Variants in CDK5RAP2 observed in about 807,000 individuals in gnomAD.
The protein encoded by CDK5RAP2 is CDK5 regulatory subunit associated protein 2.
A neutral mutation model predicts 232.9 loss-of-function variants in CDK5RAP2; 147 were observed. The observed-to-expected ratio is 0.63, with a 90% CI of 0.55 to 0.72. CDK5RAP2 has a LOEUF of 0.72. CDK5RAP2 is among the 30% of genes least tolerant of loss of function. The probability of loss-of-function intolerance (pLI) is 0.00; values close to 1 mark genes in which losing one functional copy is unlikely to be tolerated. For synonymous variants in CDK5RAP2, 833 were observed against 833.7 expected (o/e 1.00, Z 0.01); for missense variants, 2,195 against 2,231.5 (o/e 0.98, Z 0.33).
At chr9:120,570,442 G>A (rs1206709607) in intron 2 of CDK5RAP2, among the ~76,000 whole-genome samples, 1 of 152,184 alleles carries the variant, frequency 6.6e-6, no homozygotes, top group Admixed American at 6.5e-5. Context: ...ATTCTCATAA[G>A]GGTTTGTCTG....
chr9:120,564,270 A>G (rs2042564882), intron 3 of CDK5RAP2, among the ~76,000 whole-genome samples: 1 of 152,150 alleles, frequency 6.6e-6, no homozygotes, highest in Admixed American at 6.5e-5. Context: ...GATCAAGACC[A>G]TCCTGGCTAA....
At chr9:120,496,611 C>T (rs1305033003) in intron 12 of CDK5RAP2, among the ~76,000 whole-genome samples, 6 of 147,856 alleles carry the variant, frequency 4.1e-5, no homozygotes, top group Non-Finnish European at 6.0e-5. Flanking sequence ...AGGTGAGGGG[C>T]GCCTCTGCCC....
chr9:120,463,911 A>G (rs1479720554), intron 18 of CDK5RAP2, among the ~76,000 whole-genome samples: 2 of 152,202 alleles, frequency 1.3e-5, no homozygotes, highest in African/African-American at 4.8e-5. Context: ...AGATGTCAGA[A>G]AGAACTGAGT....
chr9:120,484,717 C>T (rs1367926646), intron 14 of CDK5RAP2, among the ~76,000 whole-genome samples: 1 of 151,914 alleles, frequency 6.6e-6, no homozygotes, highest in African/African-American at 2.4e-5. Context: ...GAGCAAGACT[C>T]TGTCTCAAAA....
At chr9:120,462,382 T>G (rs1453897386) in intron 18 of CDK5RAP2, among the ~76,000 whole-genome samples, 3 of 152,008 alleles carry the variant, frequency 2.0e-5, no homozygotes, top group Non-Finnish European at 4.4e-5. Flanking sequence ...ATTGGCAATT[T>G]CTTATAAAAC....
intron 12 of CDK5RAP2, among the ~76,000 whole-genome samples, chr9:120,509,637 C>T (rs1020637471): frequency 9.2e-5 from 14 of 152,090 alleles, no homozygotes; most frequent in African/African-American, 3.4e-4. Flanking sequence ...TTCTAGTGCC[C>T]GAGGCCAAGG....
intron 26 of CDK5RAP2, among the ~76,000 whole-genome samples, chr9:120,420,756 GCATTCATTAA>G (rs2034518432): frequency 1.3e-5 from 2 of 152,192 alleles, no homozygotes; most frequent in African/African-American, 4.8e-5. Context: ...AGGCTGCAAT[GCATTCATTAA>G]CAGGTAAACA....
At chr9:120,392,137 G>A (rs1006246681) in intron 36 of CDK5RAP2, among the ~76,000 whole-genome samples, 18 of 152,110 alleles carry the variant, frequency 1.2e-4, no homozygotes, top group African/African-American at 1.9e-4. Flanking sequence ...AGGAGGGACT[G>A]GTTGAGCATC....
At chr9:120,498,075 A>G (rs1361351747) in intron 12 of CDK5RAP2, among the ~76,000 whole-genome samples, 3 of 152,192 alleles carry the variant, frequency 2.0e-5, no homozygotes, top group Admixed American at 6.5e-5. Flanking sequence ...GTAGCAGAAC[A>G]TGTTCCATAT....
chr9:120,438,298 T>C (rs923921314), intron 24 of CDK5RAP2, among the ~76,000 whole-genome samples: 4 of 152,198 alleles, frequency 2.6e-5, no homozygotes, highest in African/African-American at 4.8e-5. Context: ...AGAGAGTAGC[T>C]TGGCAAAGAT....
At chr9:120,415,242 A>T in intron 27 of CDK5RAP2, 83 bp from the exon 28 acceptor site, 1 of 1,505,478 alleles carries the variant, frequency 6.6e-7, no homozygotes, top group Non-Finnish European at 9.2e-7. Flanking sequence ...GGATCCTGAA[A>T]TTCCAAACAG....
intron 1 of CDK5RAP2, 44 bp from the exon 2 acceptor site, chr9:120,572,085 C>T: frequency 1.4e-6 from 2 of 1,427,874 alleles, no homozygotes; most frequent in Non-Finnish European, 2.0e-6. Context: ...AATGTTTGAA[C>T]AACAGAGACT....
At chr9:120,419,085 C>G (rs1372819028) in intron 27 of CDK5RAP2, among the ~76,000 whole-genome samples, 1 of 152,076 alleles carries the variant, frequency 6.6e-6, no homozygotes, top group African/African-American at 2.4e-5. Context: ...AGATCAGTGC[C>G]CTCATAAAAC....
At chr9:120,558,874 T>C (rs533241388) in intron 3 of CDK5RAP2, among the ~76,000 whole-genome samples, 2 of 152,348 alleles carry the variant, frequency 1.3e-5, no homozygotes, top group South Asian at 4.1e-4. Flanking sequence ...GTTTCATCTC[T>C]TTGCATGTTT....
intron 20 of CDK5RAP2, among the ~76,000 whole-genome samples, chr9:120,457,474 G>A (rs958769679): frequency 1.1e-4 from 17 of 152,236 alleles, no homozygotes; most frequent in Admixed American, 5.9e-4. Flanking sequence ...AACTACTTCT[G>A]ATAATAAGCC....
intron 2 of CDK5RAP2, among the ~76,000 whole-genome samples, chr9:120,569,039 G>A (rs745529232): frequency 2.6e-5 from 4 of 152,164 alleles, no homozygotes; most frequent in Non-Finnish European, 5.9e-5. Flanking sequence ...CACCTACTCG[G>A]TGCCAAGCCC....
chr9:120,467,765 C>T, intron 18 of CDK5RAP2, 95 bp downstream of exon 18: 1 of 1,348,334 alleles, frequency 7.4e-7, no homozygotes. Flanking sequence ...CCCACCTCAG[C>T]CTCCCAAAGT....
intron 19 of CDK5RAP2, among the ~76,000 whole-genome samples, chr9:120,459,940 T>C (rs553187571): frequency 6.6e-6 from 1 of 152,190 alleles, no homozygotes; most frequent in East Asian, 1.9e-4. Flanking sequence ...CTGCTTGGAG[T>C]CTCCTACTTA....
At chr9:120,458,862 T>C (rs1401234548) in intron 19 of CDK5RAP2, among the ~76,000 whole-genome samples, 2 of 152,146 alleles carry the variant, frequency 1.3e-5, no homozygotes, top group African/African-American at 4.8e-5. Flanking sequence ...TAGAGATGTT[T>C]ACATCACTTC....
Sources: allele counts gnomAD v4.1 joint callset (sites outside exome capture counted in the v4.1 genomes callset), GRCh38; gene constraint gnomAD v4.1.1; transcripts MANE v1.5; gene names NCBI Gene and HGNC (gene_info 2026-07-23, HGNC 2026-07-21).